The following ANAPC13 variants were observed in gnomAD, a reference collection of about 807,000 sequenced individuals.
ANAPC13 encodes the protein anaphase promoting complex subunit 13.
ANAPC13 carries 9 observed loss-of-function variants against 9.6 expected under a neutral mutation model. That is an observed-to-expected ratio of 0.94 (90% CI 0.57 to 1.64). The LOEUF (loss-of-function observed/expected upper bound fraction) is 1.64. Among genes scored for constraint, ANAPC13 ranks in the 40% most tolerant of loss-of-function variants. ANAPC13 has a pLI of 0.00. For synonymous variants in ANAPC13, 30 were observed against 29.7 expected (o/e 1.01, Z -0.03); for missense variants, 75 against 85.3 (o/e 0.88, Z 0.48).
chr3:134,485,443 CT>C (rs974985803), intron 1 of ANAPC13: 1 of 152,248 alleles, frequency 6.6e-6, no homozygotes, highest in African/African-American at 2.4e-5. Flanking sequence ...AAACCCCAGG[CT>C]GAGTGCGGTC....
chr3:134,483,181 C>T (rs1934778200), intron 1 of ANAPC13: 3 of 429,220 alleles, frequency 7.0e-6, no homozygotes, highest in Non-Finnish European at 1.3e-5. Flanking sequence ...AGGAGAGCAA[C>T]ACGTTAAACG....
chr3:134,482,818 G>T lies in ANAPC13; in HGVS notation c.87C>A (p.Val29=). Residue 29 remains valine (V), a synonymous_variant, in exon 2 of 3, where the codon GTC becomes GTA. Coordinates refer to ENST00000354910, the MANE Select transcript of ANAPC13 (RefSeq NM_015391.4). The part of the protein sequence containing the change: ...WREDKLPYED[V]AIPLNELPEP... Reference sequence around the variant, plus strand: ...AATCATAACCTACCAGTGGTATTGCGACATCCTCATAAGGCAGCTTGTCTT... The same window carrying T: ...AATCATAACCTACCAGTGGTATTGCTACATCCTCATAAGGCAGCTTGTCTT... 6.2e-7 allele frequency: 1 copy of T among 1,613,948 alleles called. No homozygotes were observed. The highest frequency in any genetic ancestry group is 1.1e-5 in the South Asian group (1 of 91,078).
chr3:134,480,070 A>G (rs918709902), intron 2 of ANAPC13, among the ~76,000 whole-genome samples: 15 of 152,238 alleles, frequency 9.9e-5, no homozygotes, highest in African/African-American at 3.1e-4. Context: ...TTACTTATCT[A>G]TATTTGAATC....
chr3:134,479,028 G>T (rs1284569089), intron 2 of ANAPC13, among the ~76,000 whole-genome samples: 1 of 152,182 alleles, frequency 6.6e-6, no homozygotes, highest in Non-Finnish European at 1.5e-5. Context: ...TCTCCCATTT[G>T]CTGGGTTACT....
Position 134,478,435 on chromosome 3 carries a change from T to C in ANAPC13, c.*155A>G, listed in dbSNP as rs2107698490. The C allele has an allele frequency of 3.1e-6, 3 of 959,344 alleles. No individual in the cohort carries two copies. The highest frequency in any genetic ancestry group is 2.2e-4 in the Middle Eastern group (1 of 4,496). 59.4% of individuals were successfully genotyped at this position (959,344 alleles called of 1,614,324 possible). The stretch of plus-strand genomic sequence containing the variant: ...ATTACTGAGAAATCTCAGTTTCTCA[T>C]TCAATTTCGCATTGCACTTTGCTAC... On this transcript the variant is annotated 3_prime_UTR_variant, in exon 3 of 3. Coordinates refer to ENST00000354910, the MANE Select transcript of ANAPC13 (RefSeq NM_015391.4).
rs1002333677 is a variant in ANAPC13, at chr3:134,482,892, C to A, written c.13G>T (p.Val5Phe). MDSE[V>F]QRDGRILDLI... ...TCCAAGATCCTTCCATCTCTCTGAA[C>A]CTCACTGTCCATTTTCCTGCAGCTT... Residue 5 changes from valine (V) to phenylalanine (F), a missense_variant, in exon 2 of 3, where the codon GTT becomes TTT. Transcript: ENST00000354910. 2.5e-6 allele frequency: 4 copies of A among 1,614,020 alleles called. No individual in the cohort carries two copies. Among genetic ancestry groups the A allele is most frequent in the Non-Finnish European group, 3.4e-6 (4 of 1,179,878 alleles).
At chr3:134,479,696 G>GA (rs1559829334) in intron 2 of ANAPC13, among the ~76,000 whole-genome samples, 1 of 152,270 alleles carries the variant, frequency 6.6e-6, no homozygotes, top group East Asian at 1.9e-4. Context: ...AGGAAACACT[G>GA]AAAATGTAAT....
chr3:134,479,398 C>T (rs147877269), intron 2 of ANAPC13, among the ~76,000 whole-genome samples: 3 of 151,986 alleles, frequency 2.0e-5, no homozygotes, highest in Non-Finnish European at 2.9e-5. Flanking sequence ...AGAGCAATGG[C>T]GTGATCTCGG....
Position 134,478,441 on chromosome 3 carries a change from T to G in ANAPC13, c.*149A>C. 2 of 1,008,316 alleles carry G rather than the reference T, an allele frequency of 2.0e-6. No individual in the cohort carries two copies. Among genetic ancestry groups the G allele is most frequent in the Non-Finnish European group, 2.9e-6 (2 of 695,526 alleles). 62.5% of individuals were successfully genotyped at this position (1,008,316 alleles called of 1,614,324 possible). Reference sequence around the variant, plus strand: ...GAGAAATCTCAGTTTCTCATTCAATTTCGCATTGCACTTTGCTACCACAAA... The same window carrying G: ...GAGAAATCTCAGTTTCTCATTCAATGTCGCATTGCACTTTGCTACCACAAA... On this transcript the variant is annotated 3_prime_UTR_variant, in exon 3 of 3. Coordinates refer to ENST00000354910, the MANE Select transcript of ANAPC13 (RefSeq NM_015391.4).
chr3:134,478,800 A>G (rs1384329900), intron 2 of ANAPC13, 85 bp from the exon 3 acceptor site: 2 of 1,483,016 alleles, frequency 1.3e-6, no homozygotes, highest in African/African-American at 2.8e-5. Context: ...AAAGCTTGTG[A>G]GTTCCTAGGA....
rs570000370 is a variant in ANAPC13 at position 134,485,976 on chromosome 3, G to A, written c.-52C>T. On this transcript the variant is annotated 5_prime_UTR_variant, in exon 1 of 3. Coordinates refer to ENST00000354910, the MANE Select transcript of ANAPC13 (RefSeq NM_015391.4). Reference sequence around the variant, plus strand: ...CCGGCACCCGGCCACCGCGGCAGACGCTTGCTCCTGCCACGCCCCCCCCCC... The same window carrying A: ...CCGGCACCCGGCCACCGCGGCAGACACTTGCTCCTGCCACGCCCCCCCCCC... 2 of 944,386 alleles carry A rather than the reference G, an allele frequency of 2.1e-6. No individual in the cohort carries two copies. Among genetic ancestry groups the A allele is most frequent in the African/African-American group, 2.2e-5 (1 of 45,596 alleles). 58.5% of individuals were successfully genotyped at this position (944,386 alleles called of 1,614,324 possible). A position where few individuals can be genotyped will look rare whatever the true frequency, so the allele number is the denominator to read the frequency against.
chr3:134,478,732 G>A lies in ANAPC13; in HGVS notation c.100-17C>T, dbSNP rs545226312. ...AAGCTCATTCTGAAAAGGTACAATA[G>A]AAATTCAGAACAGTAATATATTCTG... On this transcript the variant is annotated splice_polypyrimidine_tract_variant and intron_variant, in intron 2 of 2. Coordinates refer to ENST00000354910, the MANE Select transcript of ANAPC13 (RefSeq NM_015391.4). 2 of 1,613,394 alleles carry A rather than the reference G, an allele frequency of 1.2e-6. No homozygotes were observed. The highest frequency in any genetic ancestry group is 2.2e-5 in the South Asian group (2 of 90,942).
In ANAPC13 at chr3:134,481,035, C is replaced by T. The variant is rs1364926975; in HGVS notation, c.99+1771G>A. On this transcript the variant is annotated intron_variant, in intron 2 of 2. Transcript: ENST00000354910. The stretch of plus-strand genomic sequence containing the variant: ...CCCTGCCACCCAAATGTTCTCCAAT[C>T]TGAGCCATAAACTTCTCCAGAAATG... Among the ~76,000 whole-genome samples, 3 of 152,218 alleles carry T rather than the reference C, an allele frequency of 2.0e-5. No individual in the cohort carries two copies. The East Asian group carries it at 5.8e-4, about 29-fold the overall frequency.
At chr3:134,484,577 G>A (rs778639291) in intron 1 of ANAPC13, among the ~76,000 whole-genome samples, 4 of 152,206 alleles carry the variant, frequency 2.6e-5, no homozygotes, top group Admixed American at 6.5e-5. Context: ...GGTGAGCCAG[G>A]TGAGGGCTTA....
At chr3:134,485,823 G>C (rs62621444) in intron 1 of ANAPC13, 129 bp downstream of exon 1, 2,588 of 254,458 alleles carry the variant, frequency 0.01, 64 homozygotes, top group African/African-American at 0.056. Context: ...CACGAGTGCA[G>C]TAAAGAAAAA....
At chr3:134,481,581 T>C (rs1163054867) in intron 2 of ANAPC13, among the ~76,000 whole-genome samples, 1 of 152,248 alleles carries the variant, frequency 6.6e-6, no homozygotes, top group Non-Finnish European at 1.5e-5. Context: ...ATTATCACAA[T>C]TACTTATCTA....
intron 2 of ANAPC13, among the ~76,000 whole-genome samples, chr3:134,482,162 A>G (rs1033487497): frequency 6.6e-6 from 1 of 152,252 alleles, no homozygotes; most frequent in Non-Finnish European, 1.5e-5. Flanking sequence ...GCTTTAAAGA[A>G]AAACAGTCCT....
At chr3:134,481,125 G>C (rs1934724077) in intron 2 of ANAPC13, among the ~76,000 whole-genome samples, 1 of 152,130 alleles carries the variant, frequency 6.6e-6, no homozygotes, top group African/African-American at 2.4e-5. Flanking sequence ...ACAACAGCTT[G>C]CCAATTGGTC....
chr3:134,478,542 T>TAGATA lies in ANAPC13; in HGVS notation c.*47_*48insTATCT, dbSNP rs1391083632. On this transcript the variant is annotated 3_prime_UTR_variant, in exon 3 of 3. Transcript: ENST00000354910. ...TTTGGAGACTGAAACAAACCATGCT[T>TAGATA]TATCTGTGTACTTTGAGAAAATCCA... is the stretch of plus-strand genomic sequence containing the variant. 7 of 1,591,804 alleles carry TAGATA rather than the reference T, an allele frequency of 4.4e-6. No individual in the cohort carries two copies. The highest frequency in any genetic ancestry group is 1.4e-5 in the African/African-American group (1 of 73,844).
Sources: allele counts gnomAD v4.1 joint callset (sites outside exome capture counted in the v4.1 genomes callset), GRCh38; gene constraint gnomAD v4.1.1; transcripts MANE v1.5; gene names NCBI Gene and HGNC (gene_info 2026-07-23, HGNC 2026-07-21).